Variants in ZNF528 observed in about 807,000 individuals in gnomAD.
ZNF528 encodes zinc finger protein 528.
Under a neutral mutation model 13.3 loss-of-function variants are expected in ZNF528, and 9 were observed. The observed-to-expected ratio is 0.67, with a 90% confidence interval of 0.41 to 1.18. The LOEUF is 1.18. Ranked by LOEUF, ZNF528 falls within the 50% of genes most tolerant of loss-of-function variation. The pLI is 0.01. For synonymous variants in ZNF528, 264 were observed against 254.3 expected (o/e 1.04, Z -0.36); for missense variants, 858 against 745.4 (o/e 1.15, Z -1.76).
In ZNF528 at chr19:52,410,610, A is replaced by G. The variant is rs145034732; in HGVS notation, c.271+3967A>G. On this transcript the variant is annotated intron_variant, in intron 6 of 6. Coordinates refer to ENST00000360465, the MANE Select transcript of ZNF528 (RefSeq NM_032423.3). ...GTCTCTCAGGCCATCGGCTCCCTAC[A>G]TCTCCCCTTTGTGTTTATGTATTAC... 5.1e-3 allele frequency among the ~76,000 whole-genome samples: 773 copies of G among 152,218 alleles called. 5 individuals carry two copies. The highest frequency in any genetic ancestry group is 8.3e-3 in the Non-Finnish European group (561 of 67,998).
chr19:52,404,757 TG>T (rs1457045518), intron 4 of ZNF528, among the ~76,000 whole-genome samples: 1 of 151,526 alleles, frequency 6.6e-6, no homozygotes, highest in Non-Finnish European at 1.5e-5. Context: ...CCACCACACC[TG>T]GCTAATTTTT....
chr19:52,410,300 G>A (rs1213968154), intron 6 of ZNF528, among the ~76,000 whole-genome samples: 4 of 152,208 alleles, frequency 2.6e-5, no homozygotes, highest in Non-Finnish European at 5.9e-5. Context: ...CAAGGGCCCT[G>A]AGCTTTAGAG....
chr19:52,407,434 C>T (rs1031299139), intron 6 of ZNF528, among the ~76,000 whole-genome samples: 1 of 152,060 alleles, frequency 6.6e-6, no homozygotes. Context: ...GCCACAGCAA[C>T]CAGTAAGGTG....
At chr19:52,410,279 C>T (rs529704807) in intron 6 of ZNF528, among the ~76,000 whole-genome samples, 16 of 152,282 alleles carry the variant, frequency 1.1e-4, no homozygotes, top group African/African-American at 3.8e-4. Flanking sequence ...GGGCTCCTTG[C>T]TTCTAATGGA....
chr19:52,406,045 G>T lies in ZNF528; in HGVS notation c.142+12G>T. The T allele has an allele frequency of 4.4e-6, 7 of 1,607,844 alleles. No homozygotes were observed. Among genetic ancestry groups the T allele is most frequent in the Non-Finnish European group, 6.0e-6 (7 of 1,176,354 alleles). The stretch of plus-strand genomic sequence containing the variant: ...CCTGGTCTCCCTGGGTGAGGATAAT[G>T]TCCCCTCAGAAGCCGGGATCTGCCC... On this transcript the variant is annotated intron_variant, in intron 5 of 6. Coordinates refer to ENST00000360465, the MANE Select transcript of ZNF528 (RefSeq NM_032423.3).
At chr19:52,400,295 A>T (rs1258791621) in intron 2 of ZNF528, among the ~76,000 whole-genome samples, 1 of 151,712 alleles carries the variant, frequency 6.6e-6, no homozygotes, top group Non-Finnish European at 1.5e-5. Context: ...TTTCATCCTC[A>T]GAAGAAAAAA....
intron 6 of ZNF528, among the ~76,000 whole-genome samples, chr19:52,407,126 T>C (rs114128244): frequency 2.5e-3 from 372 of 150,548 alleles, no homozygotes; most frequent in African/African-American, 8.8e-3. Context: ...TGGTATTTTA[T>C]GTGGAGATGG....
chr19:52,401,841 A>C, intron 3 of ZNF528, 88 bp downstream of exon 3: 1 of 1,525,140 alleles, frequency 6.6e-7, no homozygotes, highest in Admixed American at 2.1e-5. Flanking sequence ...AGAAAGTCAA[A>C]GTTTGAGGAT....
intron 2 of ZNF528, among the ~76,000 whole-genome samples, chr19:52,399,616 A>G (rs1599808763): frequency 6.6e-6 from 1 of 152,294 alleles, no homozygotes; most frequent in Admixed American, 6.5e-5. Context: ...CTCAAAAAAC[A>G]AAAAACAAAA....
intron 4 of ZNF528, among the ~76,000 whole-genome samples, chr19:52,403,074 G>C (rs2058813709): frequency 6.6e-6 from 1 of 152,126 alleles, no homozygotes; most frequent in South Asian, 2.1e-4. Context: ...GGTTTTACAT[G>C]GTCTCCCATT....
At chr19:52,402,130 G>A (rs1429099302) in intron 4 of ZNF528, 102 bp downstream of exon 4, 7 of 1,554,000 alleles carry the variant, frequency 4.5e-6, no homozygotes, top group African/African-American at 2.7e-5. Context: ...TGCCTGACAC[G>A]TTTGCTTGCA....
At chr19:52,405,489 G>C (rs11084158) in intron 4 of ZNF528, among the ~76,000 whole-genome samples, 22,376 of 151,782 alleles carry the variant, frequency 0.15, 2,025 homozygotes, top group East Asian at 0.28. Flanking sequence ...CAAGATTGTG[G>C]CACTGCACTC....
intron 6 of ZNF528, among the ~76,000 whole-genome samples, chr19:52,410,243 G>A (rs1230268840): frequency 2.0e-5 from 3 of 152,192 alleles, no homozygotes; most frequent in Non-Finnish European, 4.4e-5. Context: ...AAAGACAATA[G>A]AGTATATTTG....
chr19:52,402,921 C>T (rs921811971), intron 4 of ZNF528, among the ~76,000 whole-genome samples: 1 of 152,132 alleles, frequency 6.6e-6, no homozygotes, highest in Non-Finnish European at 1.5e-5. Context: ...ATTCTAGCTT[C>T]TTGAGGGGTT....
At chr19:52,401,583 A>G in intron 2 of ZNF528, 102 bp from the exon 3 acceptor site, 2 of 998,436 alleles carry the variant, frequency 2.0e-6, no homozygotes, top group Non-Finnish European at 2.7e-6. Context: ...CTTTTCTGAG[A>G]GCGTTTTGTA....
rs757189509 is a variant in ZNF528, at chr19:52,416,399, C to A, written c.1547C>A (p.Thr516Lys). 2.0e-5 allele frequency: 32 copies of A among 1,613,994 alleles called. No homozygotes were observed. The highest frequency in any genetic ancestry group is 2.5e-5 in the Non-Finnish European group (29 of 1,179,912). Residue 516 changes from threonine (T) to lysine (K), a missense_variant, in exon 7 of 7, where the codon ACA becomes AAA. Transcript: ENST00000360465. ...SNLVCHQKIH[T>K]GEKPYKCNQC... ...CTGGTATGCCATCAGAAAATTCATA[C>A]AGGAGAAAAGCCTTACAAATGTAAT...
At chr19:52,414,159 CCAGCCGACTCATCCA>C (rs1568429543) in intron 6 of ZNF528, 2 of 700,976 alleles carry the variant, frequency 2.9e-6, no homozygotes, top group Non-Finnish European at 5.2e-6. Context: ...ATATCCGCTG[CCAGCCGACTCATCCA>C]GGTTTCCCCA....
At chr19:52,408,939 G>A (rs973263015) in intron 6 of ZNF528, among the ~76,000 whole-genome samples, 1 of 152,082 alleles carries the variant, frequency 6.6e-6, no homozygotes, top group African/African-American at 2.4e-5. Context: ...TTGAATGCTC[G>A]TTTTAGCATT....
At chr19:52,402,729 G>A (rs1244851584) in intron 4 of ZNF528, among the ~76,000 whole-genome samples, 1 of 152,126 alleles carries the variant, frequency 6.6e-6, no homozygotes, top group Non-Finnish European at 1.5e-5. Context: ...AAGGTATAGG[G>A]TGCTGAGGTA....
Sources: gnomAD v4.1 joint callset for allele counts (sites outside exome capture counted in the v4.1 genomes callset) on GRCh38, gnomAD v4.1.1 for gene constraint, MANE v1.5 for transcripts, NCBI Gene and HGNC (gene_info 2026-07-23, HGNC 2026-07-21) for gene names.